The following ROBO2 variants were observed in gnomAD, a reference collection of about 807,000 sequenced individuals.
ROBO2 encodes roundabout homolog 2.
Under a neutral mutation model 160.8 loss-of-function variants are expected in ROBO2, and 53 were observed. The observed-to-expected ratio is 0.33, with a 90% CI of 0.26 to 0.41. ROBO2 has a LOEUF of 0.41. Ranked by LOEUF, ROBO2 falls within the 10% of genes least tolerant of loss-of-function variation. ROBO2 has a pLI of 1.00. For missense variants in ROBO2, 1,577 were observed against 1,722.4 expected (o/e 0.92, Z 1.49); for synonymous variants, 664 against 611.7 (o/e 1.09, Z -1.26).
intron 18 of ROBO2, among the ~76,000 whole-genome samples, chr3:77,595,607 T>C (rs1403863960): frequency 6.6e-6 from 1 of 152,178 alleles, no homozygotes; most frequent in East Asian, 1.9e-4. Context: ...AGGACTGGAT[T>C]CCACAACTTT....
At chr3:77,536,551 C>A (rs2092116462) in intron 6 of ROBO2, among the ~76,000 whole-genome samples, 1 of 152,002 alleles carries the variant, frequency 6.6e-6, no homozygotes. Flanking sequence ...TGTATTACAA[C>A]CTTCATTGTA....
intron 21 of ROBO2, among the ~76,000 whole-genome samples, chr3:77,612,501 T>A (rs2094667824): frequency 6.6e-6 from 1 of 152,200 alleles, no homozygotes; most frequent in East Asian, 1.9e-4. Flanking sequence ...AGTCTTTTCT[T>A]TTATCTCATT....
At chr3:77,602,691 G>T (rs1160934892) in intron 20 of ROBO2, among the ~76,000 whole-genome samples, 200 bp downstream of exon 21, 4 of 48,590 alleles carry the variant, frequency 8.2e-5, no homozygotes, top group African/African-American at 1.6e-4. Context: ...CACCACCACC[G>T]CCGCCGCCAC....
At chr3:77,139,439 C>T in intron 2 of ROBO2, among the ~76,000 whole-genome samples, 1 of 152,012 alleles carries the variant, frequency 6.6e-6, no homozygotes, top group East Asian at 1.9e-4. Context: ...AGCCATTTAC[C>T]TAGGGTGTAT....
Position 76,217,132 on chromosome 3 carries a change from C to A in ROBO2, c.109+279530C>A, listed in dbSNP as rs1008900392. Among the ~76,000 whole-genome samples, 20 of 152,138 alleles carry A rather than the reference C, an allele frequency of 1.3e-4. 2 individuals carry two copies. The highest frequency in any genetic ancestry group is 1.2e-3 in the Admixed American group (19 of 15,268). ...ACCAACGAGAACAAAGAAGACACAA[C>A]ATACCAGAATCTCTGGGACACATTC... On this transcript the variant is annotated intron_variant, in intron 2 of 26. Transcript: ENST00000487694.
intron 2 of ROBO2, among the ~76,000 whole-genome samples, chr3:76,531,215 G>A (rs184205318): frequency 6.6e-6 from 1 of 152,090 alleles, no homozygotes; most frequent in East Asian, 1.9e-4. Context: ...ATGAATTAAA[G>A]TTCACTTTAA....
intron 2 of ROBO2, among the ~76,000 whole-genome samples, chr3:76,333,970 C>T (rs2073685613): frequency 6.6e-6 from 1 of 152,112 alleles, no homozygotes; most frequent in Non-Finnish European, 1.5e-5. Context: ...GGATGGGGAA[C>T]ATCACACACT....
At chr3:77,602,413 T>A in exon 20 of ROBO2, 1 of 1,614,050 alleles carries the variant, frequency 6.2e-7, no homozygotes, top group South Asian at 1.1e-5. Context: ...TGATCCACAA[T>A]GGAAAAGCTC....
chr3:77,455,582 C>T (rs1560883548), intron 2 of ROBO2, among the ~76,000 whole-genome samples: 1 of 152,128 alleles, frequency 6.6e-6, no homozygotes, highest in South Asian at 2.1e-4. Context: ...CAGGCACACA[C>T]CACCACGCCC....
intron 2 of ROBO2, among the ~76,000 whole-genome samples, chr3:77,261,247 G>A (rs2058752916): frequency 6.6e-6 from 1 of 152,108 alleles, no homozygotes; most frequent in African/African-American, 2.4e-5. Context: ...AATGGCAAAT[G>A]TGTGCCTGGG....
intron 2 of ROBO2, among the ~76,000 whole-genome samples, chr3:76,149,677 TC>T (rs2072077512): frequency 7.9e-6 from 1 of 125,802 alleles, no homozygotes; most frequent in African/African-American, 2.7e-5. Flanking sequence ...AAAACACACA[TC>T]ATCTGTCTAA....
chr3:76,796,080 T>C (rs2063672376), intron 2 of ROBO2, among the ~76,000 whole-genome samples: 1 of 152,122 alleles, frequency 6.6e-6, no homozygotes, highest in Non-Finnish European at 1.5e-5. Context: ...AAATATTCAG[T>C]AAACCATGCT....
chr3:76,834,317 A>T (rs1014623100), intron 2 of ROBO2, among the ~76,000 whole-genome samples: 2 of 151,258 alleles, frequency 1.3e-5, no homozygotes, highest in Non-Finnish European at 2.9e-5. Context: ...CTTCCCAAGT[A>T]GCTGTAACTA....
At chr3:77,341,466 A>C (rs552935080) in intron 2 of ROBO2, among the ~76,000 whole-genome samples, 14 of 152,232 alleles carry the variant, frequency 9.2e-5, no homozygotes, top group African/African-American at 3.4e-4. Flanking sequence ...CATTAAGTCT[A>C]ATGTATTTTA....
chr3:77,484,999 CTT>C (rs1486072223), intron 4 of ROBO2, among the ~76,000 whole-genome samples: 1 of 152,004 alleles, frequency 6.6e-6, no homozygotes, highest in East Asian at 1.9e-4. Context: ...TTTTTTTAGA[CTT>C]TAGCTATTAA....
chr3:77,295,001 C>T lies in ROBO2; in HGVS notation c.389-182413C>T, dbSNP rs187656515. On this transcript the variant is annotated intron_variant, in intron 2 of 25. Coordinates refer to ENST00000461745, the Ensembl canonical transcript of ROBO2. ...ACATAAAGTAAAATTGACGGTTAAA[C>T]GGATAAGCTGAGGCTAGATCACCAA... Among the ~76,000 whole-genome samples, 247 of 150,660 alleles carry T rather than the reference C, an allele frequency of 1.6e-3. 3 individuals carry two copies. Among genetic ancestry groups the T allele is most frequent in the African/African-American group, 5.5e-3 (226 of 40,816 alleles).
intron 2 of ROBO2, among the ~76,000 whole-genome samples, chr3:76,416,235 A>G (rs892622346): frequency 6.6e-6 from 1 of 152,154 alleles, no homozygotes; most frequent in Non-Finnish European, 1.5e-5. Flanking sequence ...CTGAATGTCT[A>G]TAATAGAAGA....
At chr3:77,392,876 AC>A (rs2074883712) in intron 2 of ROBO2, among the ~76,000 whole-genome samples, 1 of 152,216 alleles carries the variant, frequency 6.6e-6, no homozygotes, top group Non-Finnish European at 1.5e-5. Context: ...TACATACGAA[AC>A]AAATCTTGAA....
chr3:77,262,394 T>C (rs1201396349), intron 2 of ROBO2, among the ~76,000 whole-genome samples: 1 of 152,198 alleles, frequency 6.6e-6, no homozygotes, highest in Non-Finnish European at 1.5e-5. Flanking sequence ...AATGATCAAT[T>C]GGAACCCAAT....
Sources: allele counts gnomAD v4.1 joint callset (sites outside exome capture counted in the v4.1 genomes callset), GRCh38; gene constraint gnomAD v4.1.1; transcripts MANE v1.5; gene names NCBI Gene and HGNC (gene_info 2026-07-23, HGNC 2026-07-21).